The following RCOR1 variants were observed in gnomAD, a reference collection of about 807,000 sequenced individuals.
The protein encoded by RCOR1 is REST corepressor 1.
A neutral mutation model predicts 64.0 loss-of-function variants in RCOR1; 12 were observed. The ratio of observed to expected loss-of-function variants is 0.19; its 90% CI spans 0.12 to 0.30. The LOEUF (loss-of-function observed/expected upper bound fraction) is 0.30, where lower values mean the gene tolerates loss of function less well. RCOR1 is among the 10% of genes least tolerant of loss of function. RCOR1 has a pLI of 1.00. For synonymous variants in RCOR1, 279 were observed against 227.2 expected, an observed-to-expected ratio of 1.23 and a Z score of -2.05; for missense variants, 502 against 621.2, an observed-to-expected ratio of 0.81 and a Z score of 2.04.
At chr14:102,638,396 A>G (rs1894290042) in intron 2 of RCOR1, among the ~76,000 whole-genome samples, 1 of 151,304 alleles carries the variant, frequency 6.6e-6, no homozygotes, top group African/African-American at 2.4e-5. Context: ...TTTTTTTTTG[A>G]GTCATATTTT....
chr14:102,726,322 C>T, intron 11 of RCOR1, 146 bp from the exon 12 acceptor site: 2 of 703,452 alleles, frequency 2.8e-6, no homozygotes, highest in East Asian at 2.8e-5. Flanking sequence ...TGAGACCTGT[C>T]TCCCCTCCAA....
In RCOR1 at chr14:102,653,950, TCTTTCTTTCTTTCTTTCTTTCTTTC is replaced by T. The variant is rs1567423279; in HGVS notation, c.362-27944_362-27920del. Among the ~76,000 whole-genome samples the T allele has an allele frequency of 2.9e-3, 185 of 63,486 alleles. 19 individuals carry two copies. The highest frequency in any genetic ancestry group is 0.011 in the African/African-American group (155 of 14,620). The allele number at this position is 63,486 out of a possible 152,430, so 41.6% of individuals were successfully genotyped here. A position where few individuals can be genotyped will look rare whatever the true frequency, so the allele number is the denominator to read the frequency against. On this transcript the variant is annotated intron_variant, in intron 2 of 11. Coordinates refer to ENST00000262241, the MANE Select transcript of RCOR1 (RefSeq NM_015156.4). ...TTCTTTCTTTCTTTCTTTCTTTCTT[TCTTTCTTTCTTTCTTTCTTTCTTTC>T]TTTCTTTCTTTTTTTTTTTTTTTTT...
At chr14:102,724,628 C>A (rs548516371) in intron 11 of RCOR1, among the ~76,000 whole-genome samples, 1 of 152,130 alleles carries the variant, frequency 6.6e-6, no homozygotes, top group African/African-American at 2.4e-5. Flanking sequence ...CCACCGTGCC[C>A]GGCCTATTTC....
intron 2 of RCOR1, among the ~76,000 whole-genome samples, chr14:102,599,862 G>A (rs899124499): frequency 2.7e-5 from 4 of 150,598 alleles, no homozygotes; most frequent in Non-Finnish European, 4.4e-5. Flanking sequence ...GAGTGCAGTG[G>A]CCCTGATGTT....
At chr14:102,664,014 T>G (rs544399804) in intron 2 of RCOR1, among the ~76,000 whole-genome samples, 4 of 152,192 alleles carry the variant, frequency 2.6e-5, no homozygotes, top group African/African-American at 9.7e-5. Context: ...AGCATTTGAT[T>G]AGCATCTAAC....
intron 2 of RCOR1, among the ~76,000 whole-genome samples, chr14:102,610,755 C>T (rs192386471): frequency 1.2e-4 from 18 of 152,014 alleles, no homozygotes; most frequent in African/African-American, 3.4e-4. Context: ...GAGGTTTCAC[C>T]GTATTAGCCA....
At chr14:102,639,495 A>ATTT (rs1188399404) in intron 2 of RCOR1, among the ~76,000 whole-genome samples, 1 of 134,538 alleles carries the variant, frequency 7.4e-6, no homozygotes, top group East Asian at 2.1e-4. Context: ...TTATTTTTTA[A>ATTT]TTTTTATTTA....
chr14:102,711,920 A>G (rs896671961), intron 7 of RCOR1, among the ~76,000 whole-genome samples: 1 of 152,222 alleles, frequency 6.6e-6, no homozygotes, highest in Non-Finnish European at 1.5e-5. Flanking sequence ...CTGTATATTC[A>G]TAATTCTGAA....
rs1170600080 is a variant in RCOR1, at chr14:102,722,200, T to C, written c.1203T>C (p.Tyr401=). ...TTACATCCTTAGCCATCAGGAAATA[T>C]GGCCGAGATTTTCAGGCAATCTCAG... ...QLLAVQAIRK[Y]GRDFQAISDV... Residue 401 remains tyrosine (Y), a synonymous_variant, in exon 11 of 12, where the codon TAT becomes TAC. Coordinates refer to ENST00000262241, the MANE Select transcript of RCOR1 (RefSeq NM_015156.4). The C allele has an allele frequency of 6.2e-7, 1 of 1,614,030 alleles. No individual in the cohort carries two copies. Among genetic ancestry groups the C allele is most frequent in the East Asian group, 2.2e-5 (1 of 44,890 alleles).
chr14:102,720,909 T>C (rs1210988656), intron 8 of RCOR1, 98 bp from the exon 9 acceptor site: 2 of 630,622 alleles, frequency 3.2e-6, no homozygotes, highest in Non-Finnish European at 5.5e-6. Flanking sequence ...AGTAACGTCT[T>C]TACTCTTGGG....
At chr14:102,722,556 C>T (rs1016199136) in intron 11 of RCOR1, 140 bp downstream of exon 11, 12 of 654,440 alleles carry the variant, frequency 1.8e-5, no homozygotes, top group Middle Eastern at 5.1e-4. Flanking sequence ...TGTAAATAGC[C>T]GGAATGTGTA....
At chr14:102,699,726 G>A (rs905603157) in intron 3 of RCOR1, among the ~76,000 whole-genome samples, 1 of 151,592 alleles carries the variant, frequency 6.6e-6, no homozygotes, top group Non-Finnish European at 1.5e-5. Flanking sequence ...GGATTTTACT[G>A]CCTACTTCAT....
At chr14:102,649,811 A>G (rs1894548036) in intron 2 of RCOR1, 1 of 982,096 alleles carries the variant, frequency 1.0e-6, no homozygotes, top group Non-Finnish European at 1.2e-6. Flanking sequence ...CTGGTTGACG[A>G]AATTGGCATT....
chr14:102,631,446 G>A (rs1034102161), intron 2 of RCOR1, among the ~76,000 whole-genome samples: 1 of 151,634 alleles, frequency 6.6e-6, no homozygotes, highest in Non-Finnish European at 1.5e-5. Context: ...CTCATGATCC[G>A]CCTGCCTTGG....
At chr14:102,655,579 A>G in intron 2 of RCOR1, 1 of 731,342 alleles carries the variant, frequency 1.4e-6, no homozygotes, top group Non-Finnish European at 1.7e-6. Context: ...AGTGTCTGGC[A>G]CATAATAGGT....
At chr14:102,634,033 G>A (rs1422819296) in intron 2 of RCOR1, among the ~76,000 whole-genome samples, 3 of 152,104 alleles carry the variant, frequency 2.0e-5, no homozygotes, top group African/African-American at 7.3e-5. Flanking sequence ...CAAGGAGGTA[G>A]GGTGAGGCTT....
chr14:102,627,344 C>T (rs575598847), intron 2 of RCOR1, among the ~76,000 whole-genome samples: 39 of 152,284 alleles, frequency 2.6e-4, no homozygotes, highest in Admixed American at 2.5e-3. Context: ...GCGTATTAAA[C>T]GGGCTATTAC....
intron 8 of RCOR1, among the ~76,000 whole-genome samples, chr14:102,720,189 GA>G (rs998373205): frequency 2.6e-5 from 4 of 152,168 alleles, no homozygotes; most frequent in African/African-American, 4.8e-5. Flanking sequence ...ATTCAAAGAT[GA>G]AAAATGCTGG....
At chr14:102,636,325 T>C (rs1041821700) in intron 2 of RCOR1, among the ~76,000 whole-genome samples, 12 of 152,054 alleles carry the variant, frequency 7.9e-5, no homozygotes, top group African/African-American at 2.9e-4. Flanking sequence ...TCGCCCAGGC[T>C]GGAGTGCAGT....
Sources: gnomAD v4.1 joint callset for allele counts (sites outside exome capture counted in the v4.1 genomes callset) on GRCh38, gnomAD v4.1.1 for gene constraint, MANE v1.5 for transcripts, NCBI Gene and HGNC (gene_info 2026-07-23, HGNC 2026-07-21) for gene names.